Variants in TCF12 observed in about 807,000 individuals in gnomAD.
The protein encoded by TCF12 is transcription factor 12.
TCF12 carries 45 observed loss-of-function variants against 86.0 expected under a neutral mutation model. That is an observed-to-expected ratio of 0.52 (90% CI 0.41 to 0.67). TCF12 has a LOEUF of 0.67. Among genes scored for constraint, TCF12 ranks in the 30% least tolerant of loss-of-function variants. TCF12 has a pLI of 0.00. For synonymous variants in TCF12, 330 were observed against 299.6 expected, an observed-to-expected ratio of 1.10 and a Z score of -1.05; for missense variants, 881 against 859.9, an observed-to-expected ratio of 1.02 and a Z score of -0.31.
intron 3 of TCF12, among the ~76,000 whole-genome samples, chr15:56,924,186 C>A (rs972927072): frequency 6.6e-6 from 1 of 151,764 alleles, no homozygotes; most frequent in East Asian, 1.9e-4. Context: ...TTCTATATAC[C>A]CTTTACCCAG....
chr15:57,290,240 G>A (rs1287306697), downstream of TCF12, among the ~76,000 whole-genome samples: 1 of 151,970 alleles, frequency 6.6e-6, no homozygotes, highest in Non-Finnish European at 1.5e-5. Context: ...CTACTTGGAA[G>A]GCTGAGGCAG....
At position 56,958,740 on chromosome 15, in the gene TCF12, C is replaced by A. The variant is rs545299696; in HGVS notation, c.148+37642C>A. 1.0e-4 allele frequency among the ~76,000 whole-genome samples: 15 copies of A among 149,690 alleles called. No homozygotes were observed. In the South Asian group the frequency reaches 3.2e-3, roughly 32 times the overall value. ...GAAGTGCAATAAGGCTGACAGGCAT[C>A]GTGGCTCATGCCTGTAATCCCACCA... is the stretch of plus-strand genomic sequence containing the variant. On this transcript the variant is annotated intron_variant, in intron 3 of 20. Coordinates refer to ENST00000333725, the MANE Select transcript of TCF12 (RefSeq NM_207037.2).
chr15:56,925,382 G>A (rs1275556683), intron 3 of TCF12, among the ~76,000 whole-genome samples: 1 of 151,946 alleles, frequency 6.6e-6, no homozygotes. Context: ...GTTTTCATTA[G>A]CCATTTAAAC....
At chr15:57,095,364 C>T (rs1382578481) in intron 5 of TCF12, among the ~76,000 whole-genome samples, 2 of 152,062 alleles carry the variant, frequency 1.3e-5, no homozygotes, top group Non-Finnish European at 2.9e-5. Flanking sequence ...TTTCCTTTAC[C>T]TTTTGATAAT....
intron 3 of TCF12, among the ~76,000 whole-genome samples, chr15:57,063,113 C>G (rs964144597): frequency 6.6e-6 from 1 of 152,134 alleles, no homozygotes; most frequent in South Asian, 2.1e-4. Context: ...CTTTTGCCAC[C>G]TTCATAAGAG....
chr15:57,159,545 T>C (rs760539309), intron 5 of TCF12, among the ~76,000 whole-genome samples: 9 of 152,246 alleles, frequency 5.9e-5, no homozygotes, highest in Non-Finnish European at 8.8e-5. Context: ...GATTTGCCTA[T>C]GTAAGGATTT....
At chr15:57,079,473 T>C (rs1212716491) in intron 4 of TCF12, among the ~76,000 whole-genome samples, 1 of 152,020 alleles carries the variant, frequency 6.6e-6, no homozygotes, top group Non-Finnish European at 1.5e-5. Context: ...TTTGGTAGAG[T>C]AGGGATGGAG....
intron 3 of TCF12, among the ~76,000 whole-genome samples, chr15:56,976,324 G>A (rs1202413672): frequency 1.4e-5 from 2 of 147,178 alleles, no homozygotes; most frequent in Non-Finnish European, 3.0e-5. Context: ...TCTGACTTCC[G>A]GGTTCACGCC....
At chr15:57,136,354 C>CT (rs776251664) in intron 5 of TCF12, among the ~76,000 whole-genome samples, 1 of 152,050 alleles carries the variant, frequency 6.6e-6, no homozygotes, top group African/African-American at 2.4e-5. Context: ...GCCATGTTTT[C>CT]TTTTTTTTCT....
chr15:57,177,490 C>T (rs1054733403), intron 6 of TCF12, among the ~76,000 whole-genome samples: 1 of 151,716 alleles, frequency 6.6e-6, no homozygotes, highest in Admixed American at 6.6e-5. Context: ...AGGCTGCTCT[C>T]GAACTCCTGA....
chr15:56,920,046 G>C, intron 2 of TCF12, 58 bp downstream of exon 2: 2 of 1,600,526 alleles, frequency 1.2e-6, no homozygotes, highest in Non-Finnish European at 1.7e-6. Flanking sequence ...TTGTTTGTTT[G>C]TTTGTTTCTT....
intron 3 of TCF12, among the ~76,000 whole-genome samples, chr15:56,980,814 C>T (rs1399223342): frequency 1.3e-5 from 2 of 152,130 alleles, no homozygotes; most frequent in African/African-American, 4.8e-5. Flanking sequence ...TCTCTTCTCT[C>T]AGATTTGTGC....
At chr15:57,231,669 G>A (rs1016421047) in intron 9 of TCF12, among the ~76,000 whole-genome samples, 3 of 152,076 alleles carry the variant, frequency 2.0e-5, no homozygotes, top group Admixed American at 6.6e-5. Context: ...GAGAGAAAAA[G>A]TGTTGCATTT....
At chr15:57,147,520 AAACTCTTACCAT>A (rs1273824170) in intron 5 of TCF12, among the ~76,000 whole-genome samples, 2 of 151,218 alleles carry the variant, frequency 1.3e-5, no homozygotes, top group Non-Finnish European at 2.9e-5. Context: ...TACCCAAAAT[AAACTCTTACCAT>A]AAAAGCACTA....
At chr15:57,163,580 A>G (rs150725194) in intron 5 of TCF12, among the ~76,000 whole-genome samples, 2 of 151,704 alleles carry the variant, frequency 1.3e-5, no homozygotes, top group East Asian at 3.9e-4. Flanking sequence ...GCAAACACCT[A>G]TGGTTCCAGC....
At chr15:57,285,257 C>T (rs957589870) in intron 20 of TCF12, among the ~76,000 whole-genome samples, 5 of 152,194 alleles carry the variant, frequency 3.3e-5, no homozygotes, top group African/African-American at 4.8e-5. Context: ...CTTAGTTTTC[C>T]GTCCCTAAGA....
At chr15:57,070,666 C>G (rs1435022927) in intron 4 of TCF12, among the ~76,000 whole-genome samples, 1 of 152,140 alleles carries the variant, frequency 6.6e-6, no homozygotes, top group Non-Finnish European at 1.5e-5. Flanking sequence ...AACAGGAGTT[C>G]AGTATTTTTT....
intron 8 of TCF12, among the ~76,000 whole-genome samples, chr15:57,223,653 T>TTTTTGTTTGTTTTTTG (rs1422431538): frequency 1.1e-4 from 15 of 135,294 alleles, no homozygotes; most frequent in African/African-American, 4.1e-4. Flanking sequence ...GTTTTTTTTT[T>TTTTTGTTTGTTTTTTG]TTTTTTTTTT....
chr15:57,247,662 CA>C, intron 13 of TCF12: 1 of 766,768 alleles, frequency 1.3e-6, no homozygotes, highest in Non-Finnish European at 2.3e-6. Context: ...ATACCACCAA[CA>C]AAAATTTTCC....
Sources: allele counts gnomAD v4.1 joint callset (sites outside exome capture counted in the v4.1 genomes callset), GRCh38; gene constraint gnomAD v4.1.1; transcripts MANE v1.5; gene names NCBI Gene and HGNC (gene_info 2026-07-23, HGNC 2026-07-21).